CDKL3: variants seen among roughly 807,000 people sequenced by gnomAD.
CDKL3 encodes cyclin-dependent kinase-like 3.
Under a neutral mutation model 69.3 loss-of-function variants are expected in CDKL3, and 65 were observed. The ratio of observed to expected loss-of-function variants is 0.94; its 90% CI spans 0.77 to 1.15. The LOEUF is 1.15. Among genes scored for constraint, CDKL3 ranks in the 50% most tolerant of loss-of-function variants. The pLI is 0.00. For synonymous variants in CDKL3, 202 were observed against 221.6 expected, an observed-to-expected ratio of 0.91 and a Z score of 0.79; for missense variants, 652 against 689.2, an observed-to-expected ratio of 0.95 and a Z score of 0.61.
At chr5:134,327,156 T>G (rs191450001) in intron 4 of CDKL3, among the ~76,000 whole-genome samples, 1 of 152,110 alleles carries the variant, frequency 6.6e-6, no homozygotes, top group East Asian at 1.9e-4. Flanking sequence ...GGGTGATTAG[T>G]GTCAAGAGGA....
chr5:134,314,559 C>T (rs937449883), intron 6 of CDKL3, among the ~76,000 whole-genome samples: 2 of 152,094 alleles, frequency 1.3e-5, no homozygotes, highest in Admixed American at 6.6e-5. Flanking sequence ...CCCACATGTC[C>T]ATCAACAGGG....
intron 4 of CDKL3, among the ~76,000 whole-genome samples, chr5:134,339,370 C>A (rs1439958562): frequency 6.6e-6 from 1 of 151,924 alleles, no homozygotes; most frequent in Admixed American, 6.6e-5. Flanking sequence ...AATCAACAAT[C>A]ACAAGAAAAC....
intron 4 of CDKL3, among the ~76,000 whole-genome samples, chr5:134,338,008 T>C (rs1183082168): frequency 6.6e-6 from 1 of 152,146 alleles, no homozygotes; most frequent in Non-Finnish European, 1.5e-5. Flanking sequence ...TCATACAAAA[T>C]AATATGCAAG....
At chr5:134,306,750 CTTTTTTTTTTT>C (rs11414446) in intron 9 of CDKL3, 48 bp from the exon 10 acceptor site, 161 of 227,688 alleles carry the variant, frequency 7.1e-4, no homozygotes, top group African/African-American at 5.7e-3. Flanking sequence ...CCCAGAAATG[CTTTTTTTTTTT>C]TTTTTTTTTT....
Position 134,308,178 on chromosome 5 carries a change from C to T in CDKL3, c.1324G>A (p.Ala442Thr). 6.2e-7 allele frequency: 1 copy of T among 1,613,684 alleles called. No homozygotes were observed. The highest frequency in any genetic ancestry group is 8.5e-7 in the Non-Finnish European group (1 of 1,179,760). Reference sequence around the variant, plus strand: ...AAGAGATTTGAACTGAGATTTGCAGCCATCAAATTACTGTTAGTTAGATTG... The same window carrying T: ...AAGAGATTTGAACTGAGATTTGCAGTCATCAAATTACTGTTAGTTAGATTG... ...PINLTNSNLM[A>T]ANLSSNLFHP... The change falls in exon 9 of 13, where the codon GCT becomes ACT. Residue 442 changes from alanine to threonine, a missense_variant. Transcript: ENST00000265334.
At chr5:134,298,732 G>T (rs377021527) in intron 12 of CDKL3, 22 bp from the exon 13 acceptor site, 10 of 1,608,090 alleles carry the variant, frequency 6.2e-6, no homozygotes, top group Non-Finnish European at 8.5e-6. Flanking sequence ...AACCAAGCTA[G>T]TAAGAATCAG....
At chr5:134,371,556 C>CT (rs35950497), upstream of CDKL3, 25,185 of 1,137,038 alleles carry the variant, frequency 0.022, 9 homozygotes, top group East Asian at 0.028. Flanking sequence ...CTGCGCGGGA[C>CT]TTTTTTTTTT....
At chr5:134,312,230 G>T in intron 7 of CDKL3, 62 bp downstream of exon 7, 1 of 927,134 alleles carries the variant, frequency 1.1e-6, no homozygotes, top group South Asian at 1.5e-5. Context: ...CAATTTTCCT[G>T]CTAGTAAAAT....
At chr5:134,350,211 A>G (rs1294976326) in intron 4 of CDKL3, 38 bp downstream of exon 4, 3 of 1,442,578 alleles carry the variant, frequency 2.1e-6, no homozygotes, top group South Asian at 1.4e-5. Flanking sequence ...AAAAAGAGAT[A>G]CCTAGGAAAG....
At chr5:134,322,421 T>C (rs1334635337) in intron 4 of CDKL3, among the ~76,000 whole-genome samples, 1 of 152,216 alleles carries the variant, frequency 6.6e-6, no homozygotes, top group Non-Finnish European at 1.5e-5. Flanking sequence ...TCTGGGAGTG[T>C]AAACTTATAT....
intron 6 of CDKL3, among the ~76,000 whole-genome samples, chr5:134,318,813 T>C (rs1279124172): frequency 2.0e-5 from 3 of 151,966 alleles, no homozygotes; most frequent in Admixed American, 1.3e-4. Flanking sequence ...CTAATTATCA[T>C]TAAAATAGAG....
At chr5:134,307,944 T>TA (rs1768326492) in intron 9 of CDKL3, 194 bp downstream of exon 9, 1 of 759,984 alleles carries the variant, frequency 1.3e-6, no homozygotes, top group African/African-American at 1.8e-5. Flanking sequence ...TTTAAACATC[T>TA]ATATGGCCAA....
intron 2 of CDKL3, among the ~76,000 whole-genome samples, chr5:134,362,431 A>C (rs1756277069): frequency 1.3e-5 from 2 of 152,178 alleles, no homozygotes; most frequent in South Asian, 4.1e-4. Context: ...AGGCAGGAGA[A>C]TCGCTTGAAC....
downstream of CDKL3, among the ~76,000 whole-genome samples, chr5:134,297,915 T>C (rs1217279275): frequency 1.3e-4 from 19 of 146,386 alleles, no homozygotes; most frequent in East Asian, 3.4e-3. Flanking sequence ...TGTGTGTGTG[T>C]GTGTGTGTGT....
intron 4 of CDKL3, among the ~76,000 whole-genome samples, chr5:134,349,778 A>ATGT (rs1752794826): frequency 6.6e-6 from 1 of 152,116 alleles, no homozygotes; most frequent in African/African-American, 2.4e-5. Flanking sequence ...TACCTAAAGG[A>ATGT]TCTGTTATGT....
downstream of CDKL3, among the ~76,000 whole-genome samples, chr5:134,297,563 GTTTTTTCTTTCT>G (rs1418541592): frequency 1.4e-4 from 21 of 150,914 alleles, no homozygotes; most frequent in South Asian, 1.2e-3. Flanking sequence ...GTAATGAATA[GTTTTTTCTTTCT>G]TTTTTTCTTT....
At chr5:134,348,570 T>G (rs1008333710) in intron 4 of CDKL3, among the ~76,000 whole-genome samples, 1 of 148,330 alleles carries the variant, frequency 6.7e-6, no homozygotes, top group Admixed American at 6.8e-5. Context: ...TAACTTTTAG[T>G]GGGAGGTTAA....
intron 4 of CDKL3, among the ~76,000 whole-genome samples, chr5:134,336,292 T>C (rs574507597): frequency 6.6e-6 from 1 of 152,332 alleles, no homozygotes; most frequent in South Asian, 2.1e-4. Flanking sequence ...TCAGAGAAGT[T>C]TGTTATTACC....
chr5:134,365,036 G>A (rs925468591), intron 2 of CDKL3, among the ~76,000 whole-genome samples: 5 of 150,578 alleles, frequency 3.3e-5, no homozygotes, highest in Non-Finnish European at 7.4e-5. Context: ...AGGCTGGAGT[G>A]CAGTGGCGCT....
Sources: allele counts gnomAD v4.1 joint callset (sites outside exome capture counted in the v4.1 genomes callset), GRCh38; gene constraint gnomAD v4.1.1; transcripts MANE v1.5; gene names NCBI Gene and HGNC (gene_info 2026-07-23, HGNC 2026-07-21).